Variants in FSTL5 observed in about 807,000 individuals in gnomAD.
FSTL5 encodes the protein follistatin like 5.
Under a neutral mutation model 89.1 loss-of-function variants are expected in FSTL5, and 62 were observed. The ratio of observed to expected loss-of-function variants is 0.70; its 90% CI spans 0.57 to 0.86. The LOEUF (loss-of-function observed/expected upper bound fraction) is 0.86. Ranked by LOEUF, FSTL5 falls within the 40% of genes least tolerant of loss-of-function variation. The pLI, the probability that FSTL5 is intolerant of heterozygous loss-of-function variation, is 0.00. For missense variants in FSTL5, 1,057 were observed against 1,001.6 expected, an observed-to-expected ratio of 1.06 and a Z score of -0.75; for synonymous variants, 383 against 346.2, an observed-to-expected ratio of 1.11 and a Z score of -1.18.
chr4:161,412,192 CA>C (rs1731615933), intron 15 of FSTL5, among the ~76,000 whole-genome samples: 1 of 151,954 alleles, frequency 6.6e-6, no homozygotes. Flanking sequence ...TCAGAGATGG[CA>C]CAAATTAATA....
At chr4:162,151,652 G>A (rs558622702) in intron 1 of FSTL5, among the ~76,000 whole-genome samples, 26 of 152,218 alleles carry the variant, frequency 1.7e-4, no homozygotes, top group African/African-American at 6.3e-4. Context: ...AACTGGGGCA[G>A]TAAAAGCCTG....
At chr4:161,964,605 T>C (rs1374467159) in intron 3 of FSTL5, among the ~76,000 whole-genome samples, 1 of 152,004 alleles carries the variant, frequency 6.6e-6, no homozygotes, top group Admixed American at 6.6e-5. Context: ...CTTTTCTTTT[T>C]CTGTTACCAT....
At chr4:161,553,752 T>C (rs1442241166) in intron 8 of FSTL5, among the ~76,000 whole-genome samples, 2 of 151,490 alleles carry the variant, frequency 1.3e-5, no homozygotes, top group African/African-American at 4.8e-5. Flanking sequence ...ATAAGGCATA[T>C]TAGAGATCCT....
intron 4 of FSTL5, among the ~76,000 whole-genome samples, chr4:161,841,348 T>C (rs1731206853): frequency 6.6e-6 from 1 of 152,198 alleles, no homozygotes. Flanking sequence ...CAAAATATAT[T>C]GAAAATACAT....
chr4:161,947,533 A>C (rs1039702159), intron 3 of FSTL5, among the ~76,000 whole-genome samples: 1 of 152,118 alleles, frequency 6.6e-6, no homozygotes, highest in Non-Finnish European at 1.5e-5. Flanking sequence ...GCATTGGCCC[A>C]AAGTTATGAA....
At chr4:161,725,447 A>G (rs1739364158) in intron 6 of FSTL5, among the ~76,000 whole-genome samples, 1 of 151,996 alleles carries the variant, frequency 6.6e-6, no homozygotes, top group Non-Finnish European at 1.5e-5. Context: ...AAATCCAAAT[A>G]TAGAATTTAA....
intron 3 of FSTL5, chr4:162,032,784 T>C (rs1737586813): frequency 6.6e-6 from 1 of 152,192 alleles, no homozygotes; most frequent in Admixed American, 6.5e-5. Context: ...ATATTTATTT[T>C]TTAATTTTTG....
chr4:162,018,521 G>A (rs1304538317), intron 3 of FSTL5, among the ~76,000 whole-genome samples: 1 of 140,582 alleles, frequency 7.1e-6, no homozygotes, highest in Non-Finnish European at 1.5e-5. Context: ...ATTGTCAGAT[G>A]CTTACTGGTA....
At chr4:161,496,066 T>C (rs1267779943) in intron 12 of FSTL5, among the ~76,000 whole-genome samples, 1 of 152,096 alleles carries the variant, frequency 6.6e-6, no homozygotes, top group Non-Finnish European at 1.5e-5. Context: ...TTCATGGCAA[T>C]TGCAAATTAA....
At chr4:161,992,882 A>ATATATGTG (rs1736161175) in intron 3 of FSTL5, among the ~76,000 whole-genome samples, 6 of 19,976 alleles carry the variant, frequency 3.0e-4, no homozygotes, top group African/African-American at 7.6e-4. Context: ...ATATATATAT[A>ATATATGTG]TATATATATA....
intron 13 of FSTL5, among the ~76,000 whole-genome samples, chr4:161,466,611 C>T (rs1234241504): frequency 2.6e-5 from 4 of 152,126 alleles, no homozygotes; most frequent in South Asian, 2.1e-4. Context: ...AGAACTTGAT[C>T]GTACTCCATA....
At chr4:162,124,811 T>C (rs1012398980) in intron 1 of FSTL5, among the ~76,000 whole-genome samples, 1 of 152,178 alleles carries the variant, frequency 6.6e-6, no homozygotes, top group African/African-American at 2.4e-5. Context: ...GCCATTCTCC[T>C]GCCTCAGCCT....
intron 4 of FSTL5, among the ~76,000 whole-genome samples, chr4:161,834,353 TG>T (rs1730959840): frequency 6.6e-6 from 1 of 152,140 alleles, no homozygotes; most frequent in Non-Finnish European, 1.5e-5. Context: ...TCATACTGAA[TG>T]GGCAAAAACT....
intron 8 of FSTL5, among the ~76,000 whole-genome samples, chr4:161,581,287 C>T (rs535114891): frequency 2.6e-4 from 40 of 152,306 alleles, no homozygotes; most frequent in African/African-American, 9.1e-4. Context: ...GCTGTTGCTC[C>T]TTGTGCATGA....
chr4:161,998,893 C>CACAG (rs1560961512), intron 3 of FSTL5, among the ~76,000 whole-genome samples: 1 of 144,962 alleles, frequency 6.9e-6, no homozygotes, highest in East Asian at 2.0e-4. Flanking sequence ...CACACACACA[C>CACAG]GAGTCAGGTT....
intron 6 of FSTL5, among the ~76,000 whole-genome samples, chr4:161,657,624 C>T (rs1222919141): frequency 6.6e-6 from 1 of 152,098 alleles, no homozygotes; most frequent in African/African-American, 2.4e-5. Context: ...CACTTTGTCT[C>T]TATTTCTTAA....
intron 6 of FSTL5, among the ~76,000 whole-genome samples, chr4:161,731,495 C>A (rs1739610086): frequency 6.6e-6 from 1 of 152,028 alleles, no homozygotes; most frequent in African/African-American, 2.4e-5. Flanking sequence ...TACTCTCTCT[C>A]CTGCTCTGCC....
At chr4:161,907,597 A>C (rs1733572675) in intron 4 of FSTL5, among the ~76,000 whole-genome samples, 1 of 152,116 alleles carries the variant, frequency 6.6e-6, no homozygotes, top group Non-Finnish European at 1.5e-5. Context: ...TTTCTAAATT[A>C]TTAAATGTGT....
At position 161,488,615 on chromosome 4, in the gene FSTL5, T is replaced by C. The variant is rs901866774; in HGVS notation, c.1459-7446A>G. ...AGACCTGTTGAGGCTTGTTAACTCA[T>C]TGGTAAATTGGGTATAATGATATTA... On this transcript the variant is annotated intron_variant, in intron 12 of 15. Transcript: ENST00000306100. 3.3e-5 allele frequency among the ~76,000 whole-genome samples: 5 copies of C among 152,166 alleles called. No homozygotes were observed. The East Asian group carries it at 9.7e-4, about 29-fold the overall frequency.
Sources: allele counts gnomAD v4.1 joint callset (sites outside exome capture counted in the v4.1 genomes callset), GRCh38; gene constraint gnomAD v4.1.1; transcripts MANE v1.5; gene names NCBI Gene and HGNC (gene_info 2026-07-23, HGNC 2026-07-21).